Variants in B3GALT1 observed in about 807,000 individuals in gnomAD.
The protein encoded by B3GALT1 is beta-1,3-galactosyltransferase 1, also known as UDP-Gal:betaGlcNAc beta 1,3-galactosyltransferase, polypeptide 1.
A neutral mutation model predicts 23.2 loss-of-function variants in B3GALT1; 10 were observed. That is an observed-to-expected ratio of 0.43 (90% CI 0.27 to 0.73). B3GALT1 has a LOEUF of 0.73. Ranked by LOEUF, B3GALT1 falls within the 30% of genes least tolerant of loss-of-function variation. B3GALT1 has a pLI of 0.21. For missense variants in B3GALT1, 299 were observed against 405.4 expected (o/e 0.74, Z 2.25); for synonymous variants, 156 against 141.5 (o/e 1.10, Z -0.73).
chr2:167,708,762 A>G (rs1687006820), intron 3 of B3GALT1, among the ~76,000 whole-genome samples: 2 of 152,288 alleles, frequency 1.3e-5, no homozygotes, highest in South Asian at 2.1e-4. Context: ...TAGCTCTCCC[A>G]TTGTATACAC....
intron 2 of B3GALT1, among the ~76,000 whole-genome samples, chr2:167,584,646 T>C (rs2105410592): frequency 1.3e-5 from 2 of 152,304 alleles, no homozygotes; most frequent in South Asian, 4.1e-4. Flanking sequence ...TTACCTGTGA[T>C]ACTTTTGACT....
chr2:167,479,258 C>A (rs1699529739), intron 1 of B3GALT1, among the ~76,000 whole-genome samples: 1 of 151,970 alleles, frequency 6.6e-6, no homozygotes, highest in Non-Finnish European at 1.5e-5. Context: ...TTAGTTCCAA[C>A]AAAATGTTCA....
rs79476603 is a variant in B3GALT1 at position 167,720,320 on chromosome 2, G to A, written c.-352+73354G>A. Among the ~76,000 whole-genome samples, 27 of 152,254 alleles carry A rather than the reference G, an allele frequency of 1.8e-4. No individual in the cohort carries two copies. The East Asian group carries it at 4.8e-3, about 27-fold the overall frequency. On this transcript the variant is annotated intron_variant, in intron 3 of 4. Transcript: ENST00000392690. ...TCTTTGCTGGTAGAGGGGATATTAT[G>A]ATGACACTAGCTAAAACATCTGGGG...
At chr2:167,315,903 T>C (rs1241891776) in intron 1 of B3GALT1, among the ~76,000 whole-genome samples, 1 of 152,238 alleles carries the variant, frequency 6.6e-6, no homozygotes, top group African/African-American at 2.4e-5. Context: ...TTTCAAAGTA[T>C]ATTTTGTATA....
chr2:167,353,304 A>G (rs1340956147), intron 1 of B3GALT1, among the ~76,000 whole-genome samples: 1 of 152,172 alleles, frequency 6.6e-6, no homozygotes, highest in Non-Finnish European at 1.5e-5. Flanking sequence ...TAGGTACAAA[A>G]TTAACAGCCA....
chr2:167,591,656 T>C (rs1291380640), intron 2 of B3GALT1, among the ~76,000 whole-genome samples: 1 of 151,998 alleles, frequency 6.6e-6, no homozygotes, highest in African/African-American at 2.4e-5. Context: ...TTATTTTTTG[T>C]AGAGATGAGG....
chr2:167,787,824 A>G (rs1688369048), intron 3 of B3GALT1, among the ~76,000 whole-genome samples: 1 of 152,154 alleles, frequency 6.6e-6, no homozygotes. Context: ...AGAGTCTGTC[A>G]CCTGTCAGAG....
At chr2:167,666,943 C>T (rs951507063) in intron 3 of B3GALT1, among the ~76,000 whole-genome samples, 1 of 151,900 alleles carries the variant, frequency 6.6e-6, no homozygotes, top group African/African-American at 2.4e-5. Context: ...GCATTTAGTC[C>T]ATTTACATTT....
At chr2:167,481,134 T>C (rs1413423005) in intron 1 of B3GALT1, among the ~76,000 whole-genome samples, 1 of 152,188 alleles carries the variant, frequency 6.6e-6, no homozygotes, top group Non-Finnish European at 1.5e-5. Flanking sequence ...AATTAGTTGC[T>C]CAAAGGCCAA....
At chr2:167,426,601 G>T (rs6743814) in intron 1 of B3GALT1, among the ~76,000 whole-genome samples, 143,612 of 152,206 alleles carry the variant, frequency 0.94, 68,054 homozygotes, top group Non-Finnish European at 0.99. Context: ...TCTGTTGTAT[G>T]TACCTTTTTG....
At chr2:167,709,867 ACTT>A (rs778463644) in intron 3 of B3GALT1, among the ~76,000 whole-genome samples, 4 of 152,182 alleles carry the variant, frequency 2.6e-5, no homozygotes, top group Non-Finnish European at 5.9e-5. Flanking sequence ...TATTCCTACA[ACTT>A]CTTCTTGTGA....
At chr2:167,813,246 A>C (rs896132925) in intron 3 of B3GALT1, among the ~76,000 whole-genome samples, 1 of 152,224 alleles carries the variant, frequency 6.6e-6, no homozygotes, top group Non-Finnish European at 1.5e-5. Flanking sequence ...TCATTTAAGA[A>C]GATGATATTG....
At chr2:167,410,040 A>G (rs745480089) in intron 1 of B3GALT1, among the ~76,000 whole-genome samples, 5 of 152,206 alleles carry the variant, frequency 3.3e-5, no homozygotes, top group Non-Finnish European at 5.9e-5. Flanking sequence ...ATGCCCATCA[A>G]TGATAGACTG....
chr2:167,836,545 G>A (rs1280498747), intron 4 of B3GALT1, among the ~76,000 whole-genome samples: 3 of 152,168 alleles, frequency 2.0e-5, no homozygotes, highest in African/African-American at 4.8e-5. Flanking sequence ...CCAAATCTAC[G>A]TCTGATTGGT....
chr2:167,300,301 TA>T lies in B3GALT1; in HGVS notation c.-511+6971del, dbSNP rs567947068. On this transcript the variant is annotated intron_variant, in intron 1 of 4. Transcript: ENST00000392690. Reference sequence around the variant, plus strand: ...TTGTAAGCCAGGAATCAGAAGCTATTAAAATTCAAAAGCTTCCTAAGGGACA... The same window carrying T: ...TTGTAAGCCAGGAATCAGAAGCTATTAAATTCAAAAGCTTCCTAAGGGACA... Among the ~76,000 whole-genome samples, 31 of 152,352 alleles carry T rather than the reference TA, an allele frequency of 2.0e-4. No homozygotes were observed. The South Asian group carries it at 6.4e-3, about 32-fold the overall frequency.
intron 2 of B3GALT1, among the ~76,000 whole-genome samples, chr2:167,586,041 C>T (rs966714200): frequency 6.6e-5 from 10 of 152,268 alleles, no homozygotes; most frequent in Admixed American, 3.9e-4. Context: ...CTAGGTAAAG[C>T]GCCATTTTTT....
chr2:167,545,375 CCCTTTT>C (rs1683618232), intron 2 of B3GALT1, among the ~76,000 whole-genome samples: 2 of 152,030 alleles, frequency 1.3e-5, no homozygotes, highest in Admixed American at 1.3e-4. Context: ...ATGACCCCTC[CCCTTTT>C]CCTTTTCCTA....
At chr2:167,440,248 C>T (rs921565883) in intron 1 of B3GALT1, among the ~76,000 whole-genome samples, 5 of 144,386 alleles carry the variant, frequency 3.5e-5, no homozygotes, top group African/African-American at 1.3e-4. Flanking sequence ...GAGGGTGAGG[C>T]GGGAGAATGG....
intron 3 of B3GALT1, among the ~76,000 whole-genome samples, chr2:167,702,317 G>T (rs1342336289): frequency 1.3e-5 from 2 of 152,084 alleles, no homozygotes; most frequent in South Asian, 2.1e-4. Flanking sequence ...GCCAAATATT[G>T]TATATTATTC....
Sources: allele counts gnomAD v4.1 joint callset (sites outside exome capture counted in the v4.1 genomes callset), GRCh38; gene constraint gnomAD v4.1.1; transcripts MANE v1.5; gene names NCBI Gene and HGNC (gene_info 2026-07-23, HGNC 2026-07-21).